Variants in SPAG16 observed in about 807,000 individuals in gnomAD.
The protein encoded by SPAG16 is sperm associated antigen 16.
In SPAG16, 86 loss-of-function variants were observed where a neutral mutation model predicts 80.4. The observed-to-expected ratio is 1.07, with a 90% CI of 0.90 to 1.28. The LOEUF is 1.28. Among genes scored for constraint, SPAG16 ranks in the 50% most tolerant of loss-of-function variants. The probability of loss-of-function intolerance (pLI) is 0.00; values close to 1 mark genes in which losing one functional copy is unlikely to be tolerated. For missense variants in SPAG16, 870 were observed against 765.3 expected, an observed-to-expected ratio of 1.14 and a Z score of -1.61; for synonymous variants, 294 against 265.9, an observed-to-expected ratio of 1.11 and a Z score of -1.03.
chr2:214,378,443 A>G lies in SPAG16; in HGVS notation c.1721-31697A>G, dbSNP rs547473979. On this transcript the variant is annotated intron_variant, in intron 15 of 15. Transcript: ENST00000331683. Reference sequence around the variant, plus strand: ...GTGATGCCACTTAATTTCTGTCTCTATCTCTGCCCTGTATTTCTGTTTCAC... The same window carrying G: ...GTGATGCCACTTAATTTCTGTCTCTGTCTCTGCCCTGTATTTCTGTTTCAC... Among the ~76,000 whole-genome samples the G allele has an allele frequency of 9.9e-5, 15 of 152,264 alleles. No individual in the cohort carries two copies. The East Asian group carries it at 2.7e-3, about 27-fold the overall frequency.
At chr2:214,410,098 CTT>C (rs140515650) in intron 15 of SPAG16, 40 bp from the exon 16 acceptor site, 22,749 of 1,604,554 alleles carry the variant, frequency 0.014, 206 homozygotes, top group Non-Finnish European at 0.016. Flanking sequence ...TGAAATAAAA[CTT>C]TGATTCATTC....
Position 213,930,092 on chromosome 2 carries a change from T to C in SPAG16, c.1347T>C (p.Asn449=). Residue 449 remains asparagine, a synonymous_variant, in exon 12 of 16, where the codon AAT becomes AAC. Transcript: ENST00000331683. ...CCTGCACATGGCACTCCTGCGGCAA[T>C]TTTGTGGCTTCCTCCTCACTGGATA... is the stretch of plus-strand genomic sequence containing the variant. ...VWSCTWHSCG[N]FVASSSLDKT... The C allele has an allele frequency of 6.2e-7, 1 of 1,613,968 alleles. No homozygotes were observed. The highest frequency in any genetic ancestry group is 1.3e-5 in the African/African-American group (1 of 75,046).
chr2:214,300,327 T>C (rs1210141652), intron 15 of SPAG16, among the ~76,000 whole-genome samples: 1 of 152,188 alleles, frequency 6.6e-6, no homozygotes, highest in African/African-American at 2.4e-5. Context: ...GGATCAGTAA[T>C]CTTTTAAGTA....
chr2:213,672,520 C>T (rs2063850830), intron 10 of SPAG16, among the ~76,000 whole-genome samples: 1 of 151,922 alleles, frequency 6.6e-6, no homozygotes, highest in Non-Finnish European at 1.5e-5. Context: ...TTTTTTGTTC[C>T]ATTGTTTACA....
chr2:213,931,255 T>G (rs1448238029), intron 12 of SPAG16, among the ~76,000 whole-genome samples: 1 of 152,150 alleles, frequency 6.6e-6, no homozygotes, highest in Non-Finnish European at 1.5e-5. Context: ...CCCACCTGAG[T>G]TATAAAGCTA....
At chr2:213,437,073 G>A (rs1054218212) in intron 9 of SPAG16, among the ~76,000 whole-genome samples, 8 of 151,890 alleles carry the variant, frequency 5.3e-5, no homozygotes, top group Admixed American at 2.0e-4. Flanking sequence ...CACCGCGCCC[G>A]GCTAATGTTT....
At chr2:213,946,679 C>T (rs1389395004) in intron 12 of SPAG16, among the ~76,000 whole-genome samples, 1 of 152,134 alleles carries the variant, frequency 6.6e-6, no homozygotes, top group Non-Finnish European at 1.5e-5. Context: ...GCTCAGACCT[C>T]ATTCATATTT....
At chr2:213,552,515 T>G (rs1449033313) in intron 10 of SPAG16, among the ~76,000 whole-genome samples, 2 of 152,210 alleles carry the variant, frequency 1.3e-5, no homozygotes, top group Non-Finnish European at 2.9e-5. Context: ...CTCAACTGTT[T>G]CTGTGTTGAA....
intron 15 of SPAG16, among the ~76,000 whole-genome samples, chr2:214,347,348 G>GA (rs1170487674): frequency 3.0e-5 from 2 of 66,348 alleles, no homozygotes; most frequent in Non-Finnish European, 9.8e-5. Context: ...AAAATATTAG[G>GA]GTTTTTTTTT....
chr2:213,331,170 C>T (rs1442892448), intron 5 of SPAG16, among the ~76,000 whole-genome samples: 2 of 152,186 alleles, frequency 1.3e-5, no homozygotes, highest in East Asian at 3.9e-4. Context: ...TGCCCTTTCC[C>T]CAGGGGCCTC....
At chr2:213,722,435 G>A (rs11887284) in intron 10 of SPAG16, among the ~76,000 whole-genome samples, 49,496 of 152,022 alleles carry the variant, frequency 0.33, 9,120 homozygotes, top group East Asian at 0.48. Flanking sequence ...ACTACTCTAT[G>A]CTTCTTTAAC....
chr2:214,310,801 T>C (rs913361529), intron 15 of SPAG16, among the ~76,000 whole-genome samples: 5 of 152,324 alleles, frequency 3.3e-5, no homozygotes, highest in African/African-American at 9.6e-5. Context: ...GCCTGTCTGG[T>C]GGCTACTGAT....
At chr2:214,259,894 G>T (rs1691013505) in intron 15 of SPAG16, among the ~76,000 whole-genome samples, 1 of 152,098 alleles carries the variant, frequency 6.6e-6, no homozygotes, top group Non-Finnish European at 1.5e-5. Context: ...CCTTTGACCA[G>T]ATCTTTCCAT....
At chr2:213,516,089 C>G (rs1232700988) in intron 10 of SPAG16, among the ~76,000 whole-genome samples, 1 of 152,090 alleles carries the variant, frequency 6.6e-6, no homozygotes, top group Non-Finnish European at 1.5e-5. Flanking sequence ...GATATTTAGG[C>G]TTTTATGGTG....
chr2:213,941,473 G>C (rs2079196233), intron 12 of SPAG16, among the ~76,000 whole-genome samples: 1 of 151,972 alleles, frequency 6.6e-6, no homozygotes, highest in Non-Finnish European at 1.5e-5. Flanking sequence ...CATACATAGA[G>C]AGAGAGAGAG....
intron 10 of SPAG16, among the ~76,000 whole-genome samples, chr2:213,610,774 A>T (rs567404759): frequency 3.4e-4 from 52 of 152,290 alleles, no homozygotes; most frequent in Non-Finnish European, 5.9e-4. Flanking sequence ...ATATAGGATT[A>T]AAAAAAGGTC....
chr2:213,363,579 A>G (rs1331028441), intron 7 of SPAG16, among the ~76,000 whole-genome samples: 1 of 152,126 alleles, frequency 6.6e-6, no homozygotes, highest in Non-Finnish European at 1.5e-5. Flanking sequence ...CAAAGCTAAC[A>G]AAAGTTCTTA....
intron 9 of SPAG16, among the ~76,000 whole-genome samples, chr2:213,377,899 ATATATTTTTTT>A (rs1157214482): frequency 0.11 from 1,899 of 17,844 alleles, 16 homozygotes; most frequent in East Asian, 0.4. Flanking sequence ...ATATATATAT[ATATATTTTTTT>A]TTTTTTTTCT....
intron 10 of SPAG16, among the ~76,000 whole-genome samples, chr2:213,614,267 A>G (rs1308413696): frequency 6.6e-6 from 1 of 152,212 alleles, no homozygotes; most frequent in African/African-American, 2.4e-5. Flanking sequence ...AGCTTTTCCA[A>G]CAACTGATTT....
Sources: allele counts gnomAD v4.1 joint callset (sites outside exome capture counted in the v4.1 genomes callset), GRCh38; gene constraint gnomAD v4.1.1; transcripts MANE v1.5; gene names NCBI Gene and HGNC (gene_info 2026-07-23, HGNC 2026-07-21).